Variants in CCSER2 observed in about 807,000 individuals in gnomAD.
CCSER2 encodes the protein serine-rich coiled-coil domain-containing protein 2.
Under a neutral mutation model 92.3 loss-of-function variants are expected in CCSER2, and 46 were observed. That is an observed-to-expected ratio of 0.50 (90% confidence interval 0.39 to 0.64). The LOEUF is 0.64. Among genes scored for constraint, CCSER2 ranks in the 30% least tolerant of loss-of-function variants. The pLI is 0.00. For synonymous variants in CCSER2, 433 were observed against 431.4 expected (o/e 1.00, Z -0.04); for missense variants, 1,244 against 1,238.9 (o/e 1.00, Z -0.06).
chr10:84,395,961 C>T (rs1353509005), intron 3 of CCSER2, among the ~76,000 whole-genome samples: 1 of 152,030 alleles, frequency 6.6e-6, no homozygotes, highest in Non-Finnish European at 1.5e-5. Context: ...GTTATTGTGG[C>T]AGACAGAACT....
intron 1 of CCSER2, among the ~76,000 whole-genome samples, chr10:84,330,692 A>G (rs1337748722): frequency 6.6e-6 from 1 of 152,082 alleles, no homozygotes; most frequent in Non-Finnish European, 1.5e-5. Flanking sequence ...TTTTTTTAGT[A>G]GAGACGGGTT....
At chr10:84,442,896 A>G (rs1844663504) in intron 6 of CCSER2, among the ~76,000 whole-genome samples, 2 of 152,228 alleles carry the variant, frequency 1.3e-5, no homozygotes, top group South Asian at 4.1e-4. Flanking sequence ...AGCAATGGGG[A>G]AAGGATTCCC....
intron 3 of CCSER2, among the ~76,000 whole-genome samples, chr10:84,405,471 A>G (rs911416139): frequency 1.3e-5 from 2 of 152,164 alleles, no homozygotes; most frequent in African/African-American, 4.8e-5. Context: ...ACATTAAATT[A>G]AAAACCTTTG....
At chr10:84,354,849 A>G (rs1564592123) in intron 1 of CCSER2, among the ~76,000 whole-genome samples, 2 of 151,454 alleles carry the variant, frequency 1.3e-5, no homozygotes, top group Middle Eastern at 3.4e-3. Context: ...GCCCTCAATC[A>G]AAGGCAAACA....
At chr10:84,405,905 A>C (rs1842351944) in intron 3 of CCSER2, among the ~76,000 whole-genome samples, 1 of 152,204 alleles carries the variant, frequency 6.6e-6, no homozygotes, top group Non-Finnish European at 1.5e-5. Context: ...TGAGAAGTAA[A>C]CATACACTCA....
At chr10:84,445,848 A>G (rs1049703583) in intron 6 of CCSER2, among the ~76,000 whole-genome samples, 2 of 152,310 alleles carry the variant, frequency 1.3e-5, no homozygotes, top group South Asian at 4.1e-4. Context: ...CATTTGTTCT[A>G]TAATAGATAT....
chr10:84,342,540 GC>G (rs770420619), intron 1 of CCSER2, among the ~76,000 whole-genome samples: 3 of 152,068 alleles, frequency 2.0e-5, no homozygotes, highest in Non-Finnish European at 2.9e-5. Context: ...AATGTTACAT[GC>G]CTTTCCTTCT....
At chr10:84,359,255 C>A (rs1343654461) in intron 1 of CCSER2, among the ~76,000 whole-genome samples, 2 of 152,024 alleles carry the variant, frequency 1.3e-5, no homozygotes, top group East Asian at 3.8e-4. Context: ...GAGGGGACTT[C>A]ATTTATCTCC....
chr10:84,396,942 A>G (rs776285237), intron 3 of CCSER2, among the ~76,000 whole-genome samples: 19 of 152,226 alleles, frequency 1.2e-4, no homozygotes, highest in Non-Finnish European at 2.4e-4. Context: ...ATTGTTTCCA[A>G]TATTTTACAG....
Position 84,472,737 on chromosome 10 carries a change from C to T in CCSER2, c.2235+2279C>T, listed in dbSNP as rs189473917. On this transcript the variant is annotated intron_variant, in intron 8 of 9. Coordinates refer to ENST00000372088, the MANE Select transcript of CCSER2 (RefSeq NM_001284240.2). ...TAATGAAAGATGAATCTTTTTATGC[C>T]GTGAAGTTTTGATAAAGTATTCTTT... is the stretch of plus-strand genomic sequence containing the variant. Among the ~76,000 whole-genome samples the T allele has an allele frequency of 2.7e-3, 414 of 151,960 alleles. 3 individuals carry two copies. The highest frequency in any genetic ancestry group is 9.1e-3 in the African/African-American group (378 of 41,446).
rs1202869188 is a variant in CCSER2 at position 84,335,228 on chromosome 10, CTT to C, written c.-40+6442_-40+6443del. ...CCCAGCATTCTACTTCTCTCTCTCT[CTT>C]TTTTTTTTTTTTTTTTTTTTTGAGA... On this transcript the variant is annotated intron_variant, in intron 1 of 9. Coordinates refer to ENST00000372088, the MANE Select transcript of CCSER2 (RefSeq NM_001284240.2). Among the ~76,000 whole-genome samples, 506 of 69,986 alleles carry C rather than the reference CTT, an allele frequency of 7.2e-3. 2 individuals are homozygous for C. The highest frequency in any genetic ancestry group is 0.028 in the African/African-American group (482 of 17,454). The allele number at this position is 69,986 out of a possible 152,430, so 45.9% of individuals were successfully genotyped here.
Position 84,417,834 on chromosome 10 carries a change from C to G in CCSER2, c.1678C>G (p.Leu560Val). The G allele has an allele frequency of 6.3e-7, 1 of 1,587,782 alleles. No individual in the cohort carries two copies. Among genetic ancestry groups the G allele is most frequent in the Non-Finnish European group, 8.6e-7 (1 of 1,156,242 alleles). ...EDDDLMLDVD[L>V]PEDAPLENVE... ...TGATGATCTTATGCTTGATGTGGAT[C>G]TGCCTGAGGATGCACCTCTTGAAAA... Residue 560 changes from leucine to valine, a missense_variant, in exon 4 of 10, where the codon CTG becomes GTG. Transcript: ENST00000372088.
intron 1 of CCSER2, among the ~76,000 whole-genome samples, chr10:84,357,890 T>A (rs1845276131): frequency 6.6e-6 from 1 of 152,238 alleles, no homozygotes; most frequent in Admixed American, 6.5e-5. Flanking sequence ...AAATACTTAG[T>A]AGACAAATAA....
chr10:84,392,383 A>G (rs989371919), intron 3 of CCSER2, among the ~76,000 whole-genome samples: 10 of 149,800 alleles, frequency 6.7e-5, no homozygotes, highest in African/African-American at 2.4e-4. Flanking sequence ...GTGGAATATT[A>G]TGGAGAATTG....
intron 4 of CCSER2, among the ~76,000 whole-genome samples, chr10:84,419,808 G>A (rs112199745): frequency 9.2e-5 from 14 of 152,318 alleles, no homozygotes; most frequent in African/African-American, 3.4e-4. Context: ...ATTCTTTCTG[G>A]AGTTAAAAGA....
intron 9 of CCSER2, among the ~76,000 whole-genome samples, chr10:84,488,638 T>G (rs1847953658): frequency 6.6e-6 from 1 of 152,146 alleles, no homozygotes. Context: ...CTTTTCTTCT[T>G]TATTAGTCTT....
At chr10:84,490,553 T>G (rs912320603) in intron 9 of CCSER2, among the ~76,000 whole-genome samples, 7 of 152,240 alleles carry the variant, frequency 4.6e-5, no homozygotes, top group Non-Finnish European at 8.8e-5. Context: ...GCTTGTGCAT[T>G]CGTCACGTAG....
chr10:84,467,437 A>ACT (rs148677136), intron 7 of CCSER2, among the ~76,000 whole-genome samples: 2 of 148,628 alleles, frequency 1.3e-5, no homozygotes, highest in African/African-American at 2.5e-5. Context: ...TCTAACACAG[A>ACT]CTCTCTCTCT....
At chr10:84,412,701 A>G (rs1842714107) in intron 3 of CCSER2, among the ~76,000 whole-genome samples, 2 of 152,188 alleles carry the variant, frequency 1.3e-5, no homozygotes, top group Admixed American at 6.5e-5. Context: ...TTGGTGCTCA[A>G]AGAGACAGGT....
Sources: allele counts gnomAD v4.1 joint callset (sites outside exome capture counted in the v4.1 genomes callset), GRCh38; gene constraint gnomAD v4.1.1; transcripts MANE v1.5; gene names NCBI Gene and HGNC (gene_info 2026-07-23, HGNC 2026-07-21).